Variants in NUP155 observed in about 807,000 individuals in gnomAD.
NUP155 encodes nuclear pore complex protein Nup155.
Under a neutral mutation model 180.4 loss-of-function variants are expected in NUP155, and 71 were observed. The observed-to-expected ratio is 0.39, with a 90% CI of 0.33 to 0.48. The LOEUF (loss-of-function observed/expected upper bound fraction) is 0.48. Among genes scored for constraint, NUP155 ranks in the 20% least tolerant of loss-of-function variants. The probability of loss-of-function intolerance (pLI) is 0.91; values close to 1 mark genes in which losing one functional copy is unlikely to be tolerated. For missense variants in NUP155, 1,553 were observed against 1,648.9 expected (o/e 0.94, Z 1.01); for synonymous variants, 582 against 559.5 (o/e 1.04, Z -0.57).
chr5:37,324,764 G>C (rs1744476445), intron 19 of NUP155, among the ~76,000 whole-genome samples: 1 of 152,036 alleles, frequency 6.6e-6, no homozygotes, highest in South Asian at 2.1e-4. Context: ...CGTTGCCCTG[G>C]CTGGTCCTGA....
intron 19 of NUP155, among the ~76,000 whole-genome samples, chr5:37,325,066 G>A (rs2150961543): frequency 6.6e-6 from 1 of 152,238 alleles, no homozygotes; most frequent in East Asian, 1.9e-4. Context: ...CAGAAGAATC[G>A]CTTGAACCCA....
Position 37,327,768 on chromosome 5 carries a change from G to A in NUP155, c.1885C>T (p.Pro629Ser), listed in dbSNP as rs942150502. 1.2e-6 allele frequency: 2 copies of A among 1,614,072 alleles called. No homozygotes were observed. The highest frequency in any genetic ancestry group is 1.1e-5 in the South Asian group (1 of 91,080). The change falls in exon 18 of 35, where the codon CCT becomes TCT. Residue 629 changes from proline (P) to serine (S), a missense_variant. Pro to Ser is a moderately conservative substitution (Grantham distance 74). Transcript: ENST00000231498. ...FLGTPSHGIQ[P>S]PAMSTPVCAL... ...CACACTGGAGTTGACATGGCAGGAG[G>A]CTGTATACCTTGTACACACATAAGA...
At chr5:37,339,505 G>A (rs1260006648) in intron 11 of NUP155, among the ~76,000 whole-genome samples, 4 of 151,974 alleles carry the variant, frequency 2.6e-5, no homozygotes, top group Non-Finnish European at 5.9e-5. Flanking sequence ...GCACATGCCT[G>A]TAGTCCCAAC....
intron 21 of NUP155, among the ~76,000 whole-genome samples, chr5:37,316,999 T>C (rs1743927897): frequency 7.1e-6 from 1 of 140,552 alleles, no homozygotes; most frequent in South Asian, 2.3e-4. Flanking sequence ...CTGTCTCTAC[T>C]AAAAATACAA....
At chr5:37,325,821 C>G (rs1744566809) in intron 19 of NUP155, 80 bp downstream of exon 19, 2 of 775,168 alleles carry the variant, frequency 2.6e-6, no homozygotes, top group South Asian at 3.0e-5. Context: ...TGTGTAATAT[C>G]AGGAAATGTG....
chr5:37,317,786 G>A (rs1157659368), intron 21 of NUP155, among the ~76,000 whole-genome samples: 1 of 148,954 alleles, frequency 6.7e-6, no homozygotes, highest in East Asian at 2.0e-4. Flanking sequence ...CTCCCAGGAA[G>A]AGGTGATCCT....
chr5:37,320,997 TGGGAAA>T (rs1055839984), intron 20 of NUP155, among the ~76,000 whole-genome samples: 3 of 151,846 alleles, frequency 2.0e-5, no homozygotes, highest in Admixed American at 1.3e-4. Context: ...AATAAGGAAA[TGGGAAA>T]GGGAAGAAAA....
At chr5:37,342,690 G>T in intron 9 of NUP155, 44 bp from the exon 10 acceptor site, 1 of 1,196,792 alleles carries the variant, frequency 8.4e-7, no homozygotes, top group Non-Finnish European at 1.2e-6. Context: ...AAATGTGTCT[G>T]CTAAATTATA....
chr5:37,288,771 A>AGGGGGGGTTG lies in NUP155; in HGVS notation c.*3128_*3129insCAACCCCCCC, dbSNP rs1742121496. The AGGGGGGGTTG allele has an allele frequency of 1.7e-5, 1 of 57,650 alleles. No homozygotes were observed. The highest frequency in any genetic ancestry group is 3.5e-5 in the Non-Finnish European group (1 of 28,614). The allele number at this position is 57,650 out of a possible 1,614,324, so 3.6% of individuals were successfully genotyped here. On this transcript the variant is annotated 3_prime_UTR_variant, in exon 35 of 35. Transcript: ENST00000231498. ...TTAAAAAAAAAAAAAAAAAAAAAGTAGGGGGGGTGGGGCTAGGCGCAGTGG... is the reference window on the plus strand; with the variant it reads ...TTAAAAAAAAAAAAAAAAAAAAAGTAGGGGGGGTTGGGGGGGGTGGGGCTAGGCGCAGTGG...
At chr5:37,369,450 T>C (rs1359306062) in intron 1 of NUP155, among the ~76,000 whole-genome samples, 1 of 151,652 alleles carries the variant, frequency 6.6e-6, no homozygotes, top group Non-Finnish European at 1.5e-5. Flanking sequence ...GGATGAAAAA[T>C]TGGATGGAAA....
chr5:37,348,357 C>T (rs1746238956), intron 9 of NUP155, 148 bp downstream of exon 9: 1 of 628,594 alleles, frequency 1.6e-6, no homozygotes, highest in Non-Finnish European at 2.9e-6. Context: ...AGCTCCATTT[C>T]AAACATAATG....
At chr5:37,300,822 ATT>A (rs1241491895) in intron 30 of NUP155, among the ~76,000 whole-genome samples, 108 of 138,770 alleles carry the variant, frequency 7.8e-4, no homozygotes, top group Admixed American at 8.0e-4. Flanking sequence ...CACCTGGCTA[ATT>A]TTTTTTTTTT....
In NUP155 at chr5:37,358,084, CT is replaced by C; in HGVS notation, c.459del (p.Ala154GlnfsTer18). ...TILAVGLVKP[K>X]AGIFQPHVRH... ...TCCTTATAGTTTTATTTCTTACCTG[CT>C]TTTGGCTTCACAAGCCCCACAGCAA... is the stretch of plus-strand genomic sequence containing the variant. On this transcript the variant is annotated frameshift_variant, in exon 4 of 35. Coordinates refer to ENST00000231498, the MANE Select transcript of NUP155 (RefSeq NM_153485.3). LOFTEE classifies it high-confidence loss of function. 2 of 1,607,392 alleles carry C rather than the reference CT, an allele frequency of 1.2e-6. No homozygotes were observed. Among genetic ancestry groups the C allele is most frequent in the East Asian group, 2.2e-5 (1 of 44,856 alleles).
chr5:37,370,598 T>C lies in NUP155; in HGVS notation c.157+223A>G. The C allele has an allele frequency of 1.9e-5, 26 of 1,371,414 alleles. No individual in the cohort carries two copies. The South Asian group carries it at 3.8e-4, about 20-fold the overall frequency. The allele number at this position is 1,371,414 out of a possible 1,614,324, so 85.0% of individuals were successfully genotyped here. A position where few individuals can be genotyped will look rare whatever the true frequency, so the allele number is the denominator to read the frequency against. Reference sequence around the variant, plus strand: ...GGTCTTTGCCTCTTTCTGCTTCAACTGGGAGCTTGCTCTTCACTCTTGCCC... The same window carrying C: ...GGTCTTTGCCTCTTTCTGCTTCAACCGGGAGCTTGCTCTTCACTCTTGCCC... On this transcript the variant is annotated intron_variant, in intron 1 of 34. Transcript: ENST00000231498.
chr5:37,354,462 T>C (rs1288027275), intron 4 of NUP155, among the ~76,000 whole-genome samples: 7 of 148,684 alleles, frequency 4.7e-5, no homozygotes, highest in African/African-American at 1.5e-4. Context: ...TTCTTCTTTT[T>C]TTTTTTTTTT....
chr5:37,348,522 A>C lies in NUP155; in HGVS notation c.978T>G (p.Ala326=), dbSNP rs1746251121. 1 of 1,608,338 alleles carries C rather than the reference A, an allele frequency of 6.2e-7. No homozygotes were observed. The highest frequency in any genetic ancestry group is 8.5e-7 in the Non-Finnish European group (1 of 1,174,886). Residue 326 remains alanine, a synonymous_variant, in exon 9 of 35, where the codon GCT becomes GCG. Coordinates refer to ENST00000231498, the MANE Select transcript of NUP155 (RefSeq NM_153485.3). ...ASVSQNAIVS[A]AGNIARTIDR... is the part of the protein sequence containing the mutation. ...CATGTTACCTAGCAATGTTACCAGC[A>C]GCAGAGACAATGGCATTCTGTGACA...
chr5:37,359,662 C>A (rs1747070641), intron 3 of NUP155, among the ~76,000 whole-genome samples: 1 of 152,086 alleles, frequency 6.6e-6, no homozygotes, highest in Non-Finnish European at 1.5e-5. Context: ...TATCTACTGT[C>A]TTAACATGAT....
chr5:37,338,004 G>A (rs1163302908), intron 11 of NUP155, 86 bp from the exon 12 acceptor site: 1 of 867,996 alleles, frequency 1.2e-6, no homozygotes, highest in Non-Finnish European at 1.9e-6. Context: ...TAGTGCAAAA[G>A]CAATTGCGGT....
chr5:37,304,411 A>G (rs1206995341), intron 27 of NUP155, among the ~76,000 whole-genome samples: 1 of 152,118 alleles, frequency 6.6e-6, no homozygotes, highest in African/African-American at 2.4e-5. Context: ...GAACACTGAA[A>G]CTTAGGGTAG....
Sources: allele counts gnomAD v4.1 joint callset (sites outside exome capture counted in the v4.1 genomes callset), GRCh38; gene constraint gnomAD v4.1.1; transcripts MANE v1.5; gene names NCBI Gene and HGNC (gene_info 2026-07-23, HGNC 2026-07-21).